The following MTARC2 variants were observed in gnomAD, a reference collection of about 807,000 sequenced individuals.
MTARC2 encodes MOCO sulphurase C-terminal domain containing 2.
MTARC2 carries 27 observed loss-of-function variants against 35.6 expected under a neutral mutation model. That is an observed-to-expected ratio of 0.76 (90% confidence interval 0.56 to 1.04). The LOEUF (loss-of-function observed/expected upper bound fraction) is 1.04, where lower values mean the gene tolerates loss of function less well. Among genes scored for constraint, MTARC2 ranks in the 50% least tolerant of loss-of-function variants. The pLI is 0.00. For missense variants in MTARC2, 412 were observed against 432.5 expected, an observed-to-expected ratio of 0.95 and a Z score of 0.42; for synonymous variants, 158 against 167.1, an observed-to-expected ratio of 0.95 and a Z score of 0.42.
At position 220,748,658 on chromosome 1, in the gene MTARC2, G is replaced by T; in HGVS notation, c.127G>T (p.Ala43Ser). 6.4e-7 allele frequency: 1 copy of T among 1,561,546 alleles called. No homozygotes were observed. Among genetic ancestry groups the T allele is most frequent in the Non-Finnish European group, 8.6e-7 (1 of 1,156,546 alleles). Reference protein sequence around the residue: ...VALGTVAWRRAWPRRRRRLQQ... With the variant: ...VALGTVAWRRSWPRRRRRLQQ... Reference sequence around the variant, plus strand: ...CCTGGGGACTGTCGCCTGGCGCCGCGCATGGCCCAGGCGGCGCCGGCGGCT... The same window carrying T: ...CCTGGGGACTGTCGCCTGGCGCCGCTCATGGCCCAGGCGGCGCCGGCGGCT... The change falls in exon 1 of 8, where the codon GCA (alanine) becomes TCA (serine). Residue 43 changes from alanine to serine, a missense_variant. Transcript: ENST00000366913.
At chr1:220,763,793 T>A (rs528142630) in intron 4 of MTARC2, among the ~76,000 whole-genome samples, 7 of 152,314 alleles carry the variant, frequency 4.6e-5, no homozygotes, top group Admixed American at 2.0e-4. Context: ...AGCTAAATAA[T>A]CATTTCAGAT....
chr1:220,749,846 G>A (rs1358674296), intron 1 of MTARC2, among the ~76,000 whole-genome samples: 1 of 152,154 alleles, frequency 6.6e-6, no homozygotes, highest in African/African-American at 2.4e-5. Context: ...CTGCATCCCT[G>A]TGTTCACTCC....
intron 4 of MTARC2, chr1:220,770,413 G>A (rs1193350851): frequency 1.1e-4 from 108 of 985,300 alleles, no homozygotes; most frequent in Non-Finnish European, 1.3e-4. Context: ...AGAGACGGTG[G>A]TGCGCGGTAT....
At chr1:220,778,247 C>CAA (rs60336134) in intron 4 of MTARC2, among the ~76,000 whole-genome samples, 6,022 of 96,304 alleles carry the variant, frequency 0.063, 335 homozygotes, top group East Asian at 0.17. Context: ...GACTCTGTCT[C>CAA]AAAAAAAAAA....
intron 1 of MTARC2, among the ~76,000 whole-genome samples, chr1:220,749,430 T>TTC (rs1671073802): frequency 3.2e-5 from 2 of 62,300 alleles, no homozygotes; most frequent in African/African-American, 4.3e-4. Context: ...CCTTCTTCTT[T>TTC]TTTTTTTTTT....
intron 4 of MTARC2, among the ~76,000 whole-genome samples, chr1:220,763,513 C>T (rs543313087): frequency 1.5e-4 from 23 of 152,268 alleles, no homozygotes; most frequent in Admixed American, 1.4e-3. Context: ...TGAGTTCTCT[C>T]CCAGGGCACC....
intron 4 of MTARC2, among the ~76,000 whole-genome samples, chr1:220,771,533 A>T (rs1025519174): frequency 4.6e-5 from 7 of 152,178 alleles, no homozygotes; most frequent in African/African-American, 1.7e-4. Flanking sequence ...CCGTTCAAAC[A>T]TGGGGTCATG....
chr1:220,782,667 C>T (rs566540630), intron 7 of MTARC2, among the ~76,000 whole-genome samples: 11 of 152,350 alleles, frequency 7.2e-5, no homozygotes, highest in African/African-American at 2.6e-4. Context: ...CTGAGCTTCT[C>T]ACGTGTGTTA....
chr1:220,754,483 A>T (rs1384244458), intron 1 of MTARC2: 1 of 455,492 alleles, frequency 2.2e-6, no homozygotes, highest in Non-Finnish European at 4.4e-6. Flanking sequence ...AGGCAGCAAC[A>T]TTGCAAGACC....
chr1:220,771,135 T>C (rs529499562), intron 4 of MTARC2, among the ~76,000 whole-genome samples: 11 of 152,088 alleles, frequency 7.2e-5, no homozygotes, highest in African/African-American at 2.4e-4. Flanking sequence ...CCCATCTCTA[T>C]TAAAAATACG....
chr1:220,779,282 A>T (rs758700279), intron 4 of MTARC2, among the ~76,000 whole-genome samples: 2 of 152,228 alleles, frequency 1.3e-5, no homozygotes, highest in Non-Finnish European at 2.9e-5. Context: ...ATAAACATAT[A>T]TATGGTTAAA....
intron 4 of MTARC2, among the ~76,000 whole-genome samples, chr1:220,767,288 G>T (rs531570304): frequency 6.6e-6 from 1 of 152,232 alleles, no homozygotes; most frequent in South Asian, 2.1e-4. Flanking sequence ...CAATGAGTAG[G>T]ACTCTCTTAA....
chr1:220,754,557 G>A (rs764378961), intron 1 of MTARC2: 1 of 399,294 alleles, frequency 2.5e-6, no homozygotes, highest in Non-Finnish European at 4.9e-6. Flanking sequence ...GGACCTGAAA[G>A]CTATTTTACT....
rs377671353 is a variant in MTARC2, at chr1:220,762,875, G to C, written c.610-35G>C. On this transcript the variant is annotated intron_variant, in intron 3 of 7. Coordinates refer to ENST00000366913, the MANE Select transcript of MTARC2 (RefSeq NM_017898.5). Reference sequence around the variant, plus strand: ...TAGTTGGTCTAGGCCATTTTGTGGAGTGGTGGGGCCTGACTATCCTGTGTT... The same window carrying C: ...TAGTTGGTCTAGGCCATTTTGTGGACTGGTGGGGCCTGACTATCCTGTGTT... 14 of 1,611,796 alleles carry C rather than the reference G, an allele frequency of 8.7e-6. No homozygotes were observed. The African/African-American group carries it at 1.9e-4, about 22-fold the overall frequency.
chr1:220,769,208 A>G (rs539511005), intron 4 of MTARC2, among the ~76,000 whole-genome samples: 2 of 152,314 alleles, frequency 1.3e-5, no homozygotes, highest in South Asian at 2.1e-4. Flanking sequence ...GGACTACAGG[A>G]CTTTCGCCTC....
At chr1:220,757,983 T>G (rs1671327658) in intron 2 of MTARC2, among the ~76,000 whole-genome samples, 2 of 152,150 alleles carry the variant, frequency 1.3e-5, no homozygotes, top group Non-Finnish European at 2.9e-5. Context: ...TTATTTTATT[T>G]TATTATTATT....
At chr1:220,763,864 A>G (rs940911411) in intron 4 of MTARC2, among the ~76,000 whole-genome samples, 2 of 152,188 alleles carry the variant, frequency 1.3e-5, no homozygotes, top group Non-Finnish European at 2.9e-5. Context: ...TCTCCTTTTT[A>G]TAAGGAAAAT....
At chr1:220,751,900 A>G (rs1671134776) in intron 1 of MTARC2, among the ~76,000 whole-genome samples, 1 of 152,202 alleles carries the variant, frequency 6.6e-6, no homozygotes, top group African/African-American at 2.4e-5. Flanking sequence ...TTATTCATTC[A>G]CTGGGCATCA....
At position 220,754,996 on chromosome 1, in the gene MTARC2, G is replaced by A; in HGVS notation, c.322G>A (p.Glu108Lys). ...TGGACACATGGTCACTGCCCGACAG[G>A]AGCCTCGCCTCGTGCTCATCTCCAT... ...EDGHMVTARQEPRLVLISIIY... is the reference protein window; with the variant it reads ...EDGHMVTARQKPRLVLISIIY... Residue 108 changes from glutamate to lysine, a missense_variant, in exon 2 of 8, where the codon GAG (glutamate) becomes AAG (lysine). Physicochemically the swap from Glu to Lys is moderately conservative, Grantham distance 56. Coordinates refer to ENST00000366913, the MANE Select transcript of MTARC2 (RefSeq NM_017898.5). 1 of 1,611,642 alleles carries A rather than the reference G, an allele frequency of 6.2e-7. No individual in the cohort carries two copies. Among genetic ancestry groups the A allele is most frequent in the African/African-American group, 1.3e-5 (1 of 74,904 alleles).
Sources: allele counts gnomAD v4.1 joint callset (sites outside exome capture counted in the v4.1 genomes callset), GRCh38; gene constraint gnomAD v4.1.1; transcripts MANE v1.5; gene names NCBI Gene and HGNC (gene_info 2026-07-23, HGNC 2026-07-21).